Variants in THSD4 observed in about 807,000 individuals in gnomAD.
The protein encoded by THSD4 is thrombospondin type-1 domain-containing protein 4.
Under a neutral mutation model 119.0 loss-of-function variants are expected in THSD4, and 69 were observed. The ratio of observed to expected loss-of-function variants is 0.58; its 90% CI spans 0.48 to 0.71. The LOEUF is 0.71. THSD4 is among the 30% of genes least tolerant of loss of function. The pLI, the probability that THSD4 is intolerant of heterozygous loss-of-function variation, is 0.00. For missense variants in THSD4, 1,393 were observed against 1,391.1 expected (o/e 1.00, Z -0.02); for synonymous variants, 524 against 540.4 (o/e 0.97, Z 0.42).
chr15:71,621,116 A>G (rs1296238957), intron 7 of THSD4, among the ~76,000 whole-genome samples: 2 of 152,226 alleles, frequency 1.3e-5, no homozygotes, highest in Non-Finnish European at 2.9e-5. Flanking sequence ...AAAATGCACA[A>G]TTGTTTCACA....
At chr15:71,537,906 G>C (rs2048707826) in intron 7 of THSD4, among the ~76,000 whole-genome samples, 1 of 151,942 alleles carries the variant, frequency 6.6e-6, no homozygotes, top group Admixed American at 6.6e-5. Flanking sequence ...GGGTTTACAG[G>C]TACATGCCAC....
In THSD4 at chr15:71,097,258, T is replaced by C. The variant is rs535694052; in HGVS notation, c.-80+252T>C. Among the ~76,000 whole-genome samples, 3 of 152,256 alleles carry C rather than the reference T, an allele frequency of 2.0e-5. No homozygotes were observed. The South Asian group carries it at 6.2e-4, about 32-fold the overall frequency. On this transcript the variant is annotated intron_variant, in intron 1 of 17. Coordinates refer to the THSD4 transcript ENST00000355327. ...ATTGCTAAATAGCTTCAAAAATATGTTATTAACTATTTATTGAGGTGAAAG... is the reference window on the plus strand; with the variant it reads ...ATTGCTAAATAGCTTCAAAAATATGCTATTAACTATTTATTGAGGTGAAAG...
Position 71,672,868 on chromosome 15 carries a change from T to C in THSD4, c.1357+12134T>C, listed in dbSNP as rs535213846. ...TGATCTTAGAGGATAAGCTTTTTGA[T>C]GTGTTGCTGGATTCGGTTTGCAAGT... On this transcript the variant is annotated intron_variant, in intron 8 of 17. Transcript: ENST00000261862. 4.6e-5 allele frequency among the ~76,000 whole-genome samples: 7 copies of C among 152,364 alleles called. No homozygotes were observed. The East Asian group carries it at 1.3e-3, about 29-fold the overall frequency.
Position 71,423,372 on chromosome 15 carries a change from G to T in THSD4, c.1152+11549G>T, listed in dbSNP as rs527554105. On this transcript the variant is annotated intron_variant, in intron 7 of 17. Transcript: ENST00000261862. Reference sequence around the variant, plus strand: ...CATGTACTACCTGGTTACTGCTGCTGATTATTCAGGGCCCAAAGGCTCTTT... The same window carrying T: ...CATGTACTACCTGGTTACTGCTGCTTATTATTCAGGGCCCAAAGGCTCTTT... Among the ~76,000 whole-genome samples, 49 of 152,260 alleles carry T rather than the reference G, an allele frequency of 3.2e-4. No homozygotes were observed. The South Asian group carries it at 9.3e-3, about 29-fold the overall frequency.
At chr15:71,272,643 C>T (rs1442353582) in intron 6 of THSD4, among the ~76,000 whole-genome samples, 2 of 151,896 alleles carry the variant, frequency 1.3e-5, no homozygotes, top group Non-Finnish European at 2.9e-5. Context: ...AGGCAGATCA[C>T]TTAAGGTCAG....
chr15:71,532,311 T>A (rs1322334087), intron 7 of THSD4, among the ~76,000 whole-genome samples: 7 of 149,074 alleles, frequency 4.7e-5, no homozygotes, highest in Admixed American at 1.3e-4. Context: ...TGTGTGTGTG[T>A]GTGTGTGTGT....
intron 7 of THSD4, among the ~76,000 whole-genome samples, chr15:71,468,150 A>G (rs967968419): frequency 1.3e-5 from 2 of 152,086 alleles, no homozygotes; most frequent in East Asian, 3.9e-4. Flanking sequence ...CGCCCAGCCA[A>G]TCTGATGGTT....
chr15:71,135,353 T>C (rs2040540242), intron 1 of THSD4, among the ~76,000 whole-genome samples: 1 of 98,512 alleles, frequency 1.0e-5, no homozygotes, highest in Non-Finnish European at 2.0e-5. Context: ...CCCTAAAACT[T>C]AAAGTATAAT....
chr15:71,631,656 A>T (rs2050630656), intron 7 of THSD4, among the ~76,000 whole-genome samples: 1 of 152,220 alleles, frequency 6.6e-6, no homozygotes, highest in Admixed American at 6.5e-5. Flanking sequence ...TCAGAGAAAG[A>T]GGCCGAAATA....
intron 7 of THSD4, among the ~76,000 whole-genome samples, chr15:71,499,860 C>T (rs1273153765): frequency 6.6e-6 from 1 of 152,088 alleles, no homozygotes; most frequent in African/African-American, 2.4e-5. Context: ...GAATAATATT[C>T]CATTGTATGA....
At position 71,594,181 on chromosome 15, in the gene THSD4, C is replaced by T. The variant is rs527752087; in HGVS notation, c.1153-66349C>T. Among the ~76,000 whole-genome samples the T allele has an allele frequency of 2.0e-5, 3 of 151,962 alleles. No homozygotes were observed. The East Asian group carries it at 5.8e-4, about 29-fold the overall frequency. On this transcript the variant is annotated intron_variant, in intron 7 of 17. Transcript: ENST00000261862. Reference sequence around the variant, plus strand: ...TCCACTGGACTCTTATTTCCTTTCACTCCAGTCTGTTCCCAAGCCTGGATG... The same window carrying T: ...TCCACTGGACTCTTATTTCCTTTCATTCCAGTCTGTTCCCAAGCCTGGATG...
At chr15:71,112,879 T>C (rs1310762427), upstream of THSD4, among the ~76,000 whole-genome samples, 2 of 152,220 alleles carry the variant, frequency 1.3e-5, no homozygotes, top group African/African-American at 2.4e-5. Flanking sequence ...AAATATCTCT[T>C]TGTTTAAAAT....
intron 9 of THSD4, chr15:71,730,756 A>T (rs1172384022): frequency 5.3e-6 from 1 of 187,708 alleles, no homozygotes; most frequent in East Asian, 1.2e-4. Context: ...GTGTTAAAAC[A>T]GTTCTCCTGC....
intron 6 of THSD4, among the ~76,000 whole-genome samples, chr15:71,409,043 C>T (rs2046646551): frequency 1.3e-5 from 2 of 152,074 alleles, no homozygotes; most frequent in South Asian, 4.1e-4. Context: ...GACCCAGTGT[C>T]CCCAGTGTCT....
intron 14 of THSD4, among the ~76,000 whole-genome samples, chr15:71,749,535 C>T (rs973748727): frequency 6.6e-6 from 1 of 152,080 alleles, no homozygotes; most frequent in African/African-American, 2.4e-5. Flanking sequence ...GCCTACCTCT[C>T]GGATACACTA....
chr15:71,284,713 T>G (rs1323914356), intron 6 of THSD4, among the ~76,000 whole-genome samples: 2 of 152,178 alleles, frequency 1.3e-5, no homozygotes, highest in African/African-American at 2.4e-5. Context: ...TTTGCAATGG[T>G]GGGTTTCAGC....
intron 7 of THSD4, among the ~76,000 whole-genome samples, chr15:71,544,484 A>G (rs1464174133): frequency 6.6e-6 from 1 of 152,212 alleles, no homozygotes; most frequent in African/African-American, 2.4e-5. Flanking sequence ...TAAGATGGTT[A>G]TTGTCAAAAA....
chr15:71,625,301 C>G (rs1489774430), intron 7 of THSD4, among the ~76,000 whole-genome samples: 1 of 152,062 alleles, frequency 6.6e-6, no homozygotes, highest in East Asian at 1.9e-4. Context: ...AGCCACCAGC[C>G]ACAGCCTGGG....
At chr15:71,433,611 T>C (rs1293791904) in intron 7 of THSD4, among the ~76,000 whole-genome samples, 1 of 152,106 alleles carries the variant, frequency 6.6e-6, no homozygotes, top group Non-Finnish European at 1.5e-5. Flanking sequence ...CAGGTACTCA[T>C]TGGGCACACA....
Sources: allele counts gnomAD v4.1 joint callset (sites outside exome capture counted in the v4.1 genomes callset), GRCh38; gene constraint gnomAD v4.1.1; transcripts MANE v1.5; gene names NCBI Gene and HGNC (gene_info 2026-07-23, HGNC 2026-07-21).